Variants in ZNF454 observed in about 807,000 individuals in gnomAD.
ZNF454 encodes the protein zinc finger protein 454.
Under a neutral mutation model 48.2 loss-of-function variants are expected in ZNF454, and 30 were observed. The ratio of observed to expected loss-of-function variants is 0.62; its 90% confidence interval spans 0.47 to 0.84. ZNF454 has a LOEUF of 0.84. ZNF454 is among the 40% of genes least tolerant of loss of function. The pLI is 0.00. For missense variants in ZNF454, 510 were observed against 623.1 expected (o/e 0.82, Z 1.93); for synonymous variants, 204 against 211.4 (o/e 0.97, Z 0.30).
chr5:178,968,432 G>A (rs1760197883), downstream of ZNF454, among the ~76,000 whole-genome samples: 1 of 152,188 alleles, frequency 6.6e-6, no homozygotes, highest in Non-Finnish European at 1.5e-5. Context: ...CAGCTTCAAA[G>A]TCCAAGTAAT....
At chr5:178,985,170 T>C in the ZNF454 span, 5 of 428,808 alleles carry the variant, frequency 1.2e-5, no homozygotes, top group African/African-American at 2.0e-5. Flanking sequence ...AGAGACTCCC[T>C]TGTGGAAACA....
At position 178,965,433 on chromosome 5, in the gene ZNF454, C is replaced by G; in HGVS notation, c.1029C>G (p.Phe343Leu). 1 of 1,613,898 alleles carries G rather than the reference C, an allele frequency of 6.2e-7. No homozygotes were observed. Among genetic ancestry groups the G allele is most frequent in the Non-Finnish European group, 8.5e-7 (1 of 1,179,976 alleles). ...AAGCCTTTAATCAGAGTACAAGTTT[C>G]CTTCAGCATCAGAGAATTCACACTG... is the stretch of plus-strand genomic sequence containing the variant. ...CGKAFNQSTS[F>L]LQHQRIHTGE... Residue 343 changes from phenylalanine (F) to leucine (L), a missense_variant, in exon 5 of 5, where the codon TTC (phenylalanine) becomes TTG (leucine). Phe to Leu is a conservative substitution (Grantham distance 22). This residue lies in a region of ZNF454 where 354 missense variants were observed against 408.9 expected (regional missense o/e 0.87). Transcript: ENST00000519564. The surrounding 1 kb of genome is among the most constrained non-coding windows in gnomAD (Gnocchi z 5.2).
the ZNF454 span, chr5:178,980,280 G>A: frequency 4.1e-4 from 63 of 154,476 alleles, no homozygotes; most frequent in African/African-American, 1.5e-3. The surrounding 1 kb of genome is among the most constrained non-coding windows in gnomAD (Gnocchi z 4.3). Context: ...TCTACTCCCA[G>A]GGACATAAAA....
rs1759075701 is a variant in ZNF454 at position 178,941,297 on chromosome 5, C to T, written c.-255C>T. ...AGGCTCCTCGAAGAGCGACACGGGG[C>T]TGACCAGGCACGGTGGTCAAAGCCG... is the stretch of plus-strand genomic sequence containing the variant. On this transcript the variant is annotated 5_prime_UTR_variant, in exon 1 of 5. Coordinates refer to ENST00000519564, the MANE Select transcript of ZNF454 (RefSeq NM_001178089.3). This position sits in a 1 kb window ranked among gnomAD's most constrained non-coding sequence, Gnocchi z 5.5. 1 of 438,204 alleles carries T rather than the reference C, an allele frequency of 2.3e-6. No individual in the cohort carries two copies. Among genetic ancestry groups the T allele is most frequent in the Non-Finnish European group, 4.6e-6 (1 of 216,644 alleles). 27.1% of individuals were successfully genotyped at this position (438,204 alleles called of 1,614,324 possible). A position where few individuals can be genotyped will look rare whatever the true frequency, so the allele number is the denominator to read the frequency against.
chr5:178,962,019 A>G (rs774340061), intron 4 of ZNF454, among the ~76,000 whole-genome samples: 2 of 151,330 alleles, frequency 1.3e-5, no homozygotes, highest in Non-Finnish European at 2.9e-5. Context: ...ACATGGAATT[A>G]TTTTTCTTCT....
At chr5:178,957,219 G>A (rs1397645927) in intron 4 of ZNF454, among the ~76,000 whole-genome samples, 1 of 151,988 alleles carries the variant, frequency 6.6e-6, no homozygotes, top group East Asian at 1.9e-4. Flanking sequence ...CTTCCACTTC[G>A]AGATAAAATT....
chr5:178,959,191 C>T lies in ZNF454; in HGVS notation c.251-5464C>T, dbSNP rs530873383. 2.0e-4 allele frequency among the ~76,000 whole-genome samples: 30 copies of T among 152,260 alleles called. No homozygotes were observed. The South Asian group carries it at 4.1e-3, about 21-fold the overall frequency. On this transcript the variant is annotated intron_variant, in intron 4 of 4. Transcript: ENST00000519564. ...TGCTCATTATTTTCTATAGGGGTAT[C>T]CAGTTGACCCAGGATCACTTGCTAG... is the stretch of plus-strand genomic sequence containing the variant.
At chr5:178,969,174 G>A (rs114580477), downstream of ZNF454, among the ~76,000 whole-genome samples, 70 of 152,306 alleles carry the variant, frequency 4.6e-4, no homozygotes, top group African/African-American at 1.6e-3. Context: ...TTCTCGACTA[G>A]GGGAGGGGAC....
chr5:178,968,214 T>C (rs1027270205), downstream of ZNF454, among the ~76,000 whole-genome samples: 1 of 151,800 alleles, frequency 6.6e-6, no homozygotes, highest in Admixed American at 6.6e-5. Flanking sequence ...CTGGAATATA[T>C]CATGCAGTGA....
intron 4 of ZNF454, among the ~76,000 whole-genome samples, chr5:178,958,697 G>A (rs1410497385): frequency 6.6e-6 from 1 of 152,174 alleles, no homozygotes; most frequent in Non-Finnish European, 1.5e-5. Context: ...TCCTACCGGC[G>A]AAATGCAAGG....
downstream of ZNF454, among the ~76,000 whole-genome samples, chr5:178,968,109 A>T (rs1195628984): frequency 1.3e-5 from 1 of 78,920 alleles, no homozygotes; most frequent in African/African-American, 3.4e-5. Flanking sequence ...TGTGCATCAC[A>T]CACACACACA....
chr5:178,946,162 C>T lies in ZNF454; in HGVS notation c.34-197C>T, dbSNP rs78158973. ...TTCGCCACCATATATGTTTCTTCAG[C>T]GTGGAGAGCAATGTCTAGTCCAAGG... On this transcript the variant is annotated intron_variant, in intron 2 of 4. Coordinates refer to ENST00000519564, the MANE Select transcript of ZNF454 (RefSeq NM_001178089.3). The surrounding 1 kb of genome is among the most constrained non-coding windows in gnomAD (Gnocchi z 4.5). Among the ~76,000 whole-genome samples the T allele has an allele frequency of 0.074, 11,231 of 152,086 alleles. 531 individuals carry two copies. Among genetic ancestry groups the T allele is most frequent in the Non-Finnish European group, 0.1 (6,995 of 67,948 alleles).
chr5:178,952,664 G>T (rs1218944980), intron 4 of ZNF454, among the ~76,000 whole-genome samples: 1 of 152,046 alleles, frequency 6.6e-6, no homozygotes, highest in Non-Finnish European at 1.5e-5. Context: ...GAAGGACTTT[G>T]TCTTGTTTGC....
At chr5:178,976,273 C>A in the ZNF454 span, 1 of 283,382 alleles carries the variant, frequency 3.5e-6, no homozygotes, top group Non-Finnish European at 7.3e-6. Flanking sequence ...AGCACATCAC[C>A]CTTTAACATA....
chr5:178,974,539 C>T, the ZNF454 span, among the ~76,000 whole-genome samples: 1 of 152,230 alleles, frequency 6.6e-6, no homozygotes, highest in African/African-American at 2.4e-5. Flanking sequence ...AGGATGGTCT[C>T]GATCTCCTGA....
the ZNF454 span, chr5:178,987,392 C>T: frequency 2.2e-6 from 1 of 462,314 alleles, no homozygotes; most frequent in Non-Finnish European, 4.3e-6. Context: ...CACATAGCCA[C>T]AAGATGAAAG....
chr5:178,968,981 G>T, downstream of ZNF454: 1 of 404,394 alleles, frequency 2.5e-6, no homozygotes, highest in Non-Finnish European at 5.0e-6. Context: ...ATCAGGCTTG[G>T]GTTTTCATGA....
chr5:178,979,576 C>A, the ZNF454 span: 1 of 152,184 alleles, frequency 6.6e-6, no homozygotes, highest in Non-Finnish European at 1.5e-5. Context: ...TGCGGGAAGC[C>A]AGGACTCTAT....
At chr5:178,947,393 C>T (rs78117105) in intron 4 of ZNF454, among the ~76,000 whole-genome samples, 10,804 of 152,246 alleles carry the variant, frequency 0.071, 491 homozygotes, top group Non-Finnish European at 0.099. Context: ...ATCATGTGCC[C>T]ACAAGGTATC....
Sources: gnomAD v4.1 joint callset for allele counts (sites outside exome capture counted in the v4.1 genomes callset) on GRCh38, gnomAD v4.1.1 for gene constraint, gnomAD v4.1.1 regional missense constraint, Gnocchi (gnomAD v3.1) non-coding constraint, MANE v1.5 for transcripts, NCBI Gene and HGNC (gene_info 2026-07-23, HGNC 2026-07-21) for gene names.